ABCC12: variants seen among roughly 807,000 people sequenced by gnomAD.
ABCC12 encodes ATP-binding cassette sub-family C member 12.
ABCC12 carries 142 observed loss-of-function variants against 151.1 expected under a neutral mutation model. That is an observed-to-expected ratio of 0.94 (90% confidence interval 0.82 to 1.08). The LOEUF (loss-of-function observed/expected upper bound fraction) is 1.08, where lower values mean the gene tolerates loss of function less well. Ranked by LOEUF, ABCC12 falls within the 50% of genes least tolerant of loss-of-function variation. The pLI is 0.00. For missense variants in ABCC12, 1,638 were observed against 1,691.1 expected (o/e 0.97, Z 0.55); for synonymous variants, 645 against 646.4 (o/e 1.00, Z 0.03).
intron 4 of ABCC12, among the ~76,000 whole-genome samples, chr16:48,142,795 T>C (rs1304521858): frequency 1.3e-5 from 2 of 152,226 alleles, no homozygotes; most frequent in Non-Finnish European, 2.9e-5. Flanking sequence ...TCAACAGTTA[T>C]GTAGTATGCT....
chr16:48,096,200 T>C (rs1288068379), intron 24 of ABCC12, among the ~76,000 whole-genome samples: 1 of 152,238 alleles, frequency 6.6e-6, no homozygotes, highest in Non-Finnish European at 1.5e-5. Context: ...TTATTTGTCA[T>C]CAATATTATG....
intron 15 of ABCC12, among the ~76,000 whole-genome samples, chr16:48,114,703 G>A (rs983478324): frequency 2.0e-5 from 3 of 152,172 alleles, no homozygotes; most frequent in Non-Finnish European, 4.4e-5. Context: ...GAGATGGTCT[G>A]GAAGCAGGGA....
intron 26 of ABCC12, 141 bp downstream of exon 26, chr16:48,088,404 A>C: frequency 9.8e-7 from 1 of 1,015,674 alleles, no homozygotes; most frequent in Non-Finnish European, 1.4e-6. Context: ...TGAAATCCTA[A>C]TTTACAGTAA....
intron 9 of ABCC12, among the ~76,000 whole-genome samples, chr16:48,133,151 C>T (rs62058516): frequency 4.6e-5 from 7 of 152,126 alleles, no homozygotes; most frequent in Non-Finnish European, 8.8e-5. Flanking sequence ...ACTATGACCC[C>T]TGCCCAGCCA....
At chr16:48,118,837 T>A (rs931870945) in intron 13 of ABCC12, among the ~76,000 whole-genome samples, 2 of 152,214 alleles carry the variant, frequency 1.3e-5, no homozygotes, top group African/African-American at 2.4e-5. Context: ...CTTGGACAAG[T>A]GACTGTACCT....
At chr16:48,115,726 G>T in intron 14 of ABCC12, 108 bp from the exon 15 acceptor site, 2 of 1,156,524 alleles carry the variant, frequency 1.7e-6, no homozygotes, top group South Asian at 3.2e-5. Flanking sequence ...CGTACACACT[G>T]ATCCTCGCCA....
chr16:48,096,061 T>C (rs1963082384), intron 24 of ABCC12, among the ~76,000 whole-genome samples: 1 of 152,184 alleles, frequency 6.6e-6, no homozygotes, highest in South Asian at 2.1e-4. Context: ...ATTAGAGGGT[T>C]GTTGTGGGGA....
chr16:48,113,175 GTGTTCGGTCATTGTACACTTGAT>G (rs374438973), intron 15 of ABCC12, among the ~76,000 whole-genome samples: 5 of 152,326 alleles, frequency 3.3e-5, no homozygotes, highest in African/African-American at 1.2e-4. Flanking sequence ...AGAAGTAGCT[GTGTTCGGTCATTGTACACTTGAT>G]TGGGCGAGTT....
At chr16:48,129,251 T>A (rs944071642) in intron 10 of ABCC12, among the ~76,000 whole-genome samples, 1 of 152,146 alleles carries the variant, frequency 6.6e-6, no homozygotes, top group Non-Finnish European at 1.5e-5. Context: ...TGGAGGGAGA[T>A]GAGAACATGC....
At chr16:48,147,863 G>A (rs1486967984) in intron 2 of ABCC12, among the ~76,000 whole-genome samples, 1 of 152,228 alleles carries the variant, frequency 6.6e-6, no homozygotes, top group African/African-American at 2.4e-5. Flanking sequence ...AAGACTCGTA[G>A]TCAGATGGAG....
At chr16:48,088,467 G>T (rs1407611529) in intron 26 of ABCC12, 78 bp downstream of exon 26, 2 of 1,483,308 alleles carry the variant, frequency 1.3e-6, no homozygotes, top group Admixed American at 3.9e-5. Flanking sequence ...ATCACTCTCT[G>T]GTGTGACTTA....
intron 13 of ABCC12, among the ~76,000 whole-genome samples, chr16:48,118,563 G>C (rs554163108): frequency 6.6e-6 from 1 of 152,204 alleles, no homozygotes. Context: ...TGGCATTATC[G>C]TCATCAGGAC....
In ABCC12 at chr16:48,100,855, C is replaced by T. The variant is rs781444652; in HGVS notation, c.3038+17G>A. The T allele has an allele frequency of 3.7e-6, 6 of 1,612,404 alleles. No individual in the cohort carries two copies. The highest frequency in any genetic ancestry group is 4.5e-5 in the East Asian group (2 of 44,862). ...TGAAGCATGGGGGCCTGGGGCAGGGCCCCACATGGGACTCACTAGGTGATG... is the reference window on the plus strand; with the variant it reads ...TGAAGCATGGGGGCCTGGGGCAGGGTCCCACATGGGACTCACTAGGTGATG... On this transcript the variant is annotated intron_variant, in intron 23 of 30. Transcript: ENST00000311303.
intron 2 of ABCC12, among the ~76,000 whole-genome samples, chr16:48,151,018 G>A (rs981362266): frequency 1.3e-5 from 2 of 152,072 alleles, no homozygotes; most frequent in Admixed American, 1.3e-4. Context: ...TCAACCCATA[G>A]CCCTGTGAGA....
intron 12 of ABCC12, among the ~76,000 whole-genome samples, chr16:48,123,204 A>G (rs1964129818): frequency 6.6e-6 from 1 of 152,246 alleles, no homozygotes; most frequent in Non-Finnish European, 1.5e-5. Flanking sequence ...CCATCACTGG[A>G]GCTATCCGAG....
intron 18 of ABCC12, 98 bp downstream of exon 18, chr16:48,111,338 A>G: frequency 2.1e-6 from 3 of 1,434,388 alleles, no homozygotes; most frequent in Non-Finnish European, 9.7e-7. Flanking sequence ...CTGGCTGCCC[A>G]AAATGACATG....
At chr16:48,117,440 T>C in intron 13 of ABCC12, 107 bp from the exon 14 acceptor site, 1 of 1,212,910 alleles carries the variant, frequency 8.2e-7, no homozygotes, top group Admixed American at 2.0e-5. Context: ...AGGCCAGGGG[T>C]GGCGGCTGCT....
At chr16:48,114,850 C>A (rs1249530449) in intron 15 of ABCC12, among the ~76,000 whole-genome samples, 5 of 152,216 alleles carry the variant, frequency 3.3e-5, no homozygotes, top group African/African-American at 4.8e-5. Flanking sequence ...TCGCTTTCTT[C>A]AGTGAGATTC....
chr16:48,119,131 C>A (rs1262191086), intron 13 of ABCC12, among the ~76,000 whole-genome samples: 1 of 152,180 alleles, frequency 6.6e-6, no homozygotes, highest in African/African-American at 2.4e-5. Flanking sequence ...GGAGCAAAAT[C>A]TCTGCTAAAT....
Sources: allele counts gnomAD v4.1 joint callset (sites outside exome capture counted in the v4.1 genomes callset), GRCh38; gene constraint gnomAD v4.1.1; transcripts MANE v1.5; gene names NCBI Gene and HGNC (gene_info 2026-07-23, HGNC 2026-07-21).